PRAG1: variants seen among roughly 807,000 people sequenced by gnomAD.
The protein encoded by PRAG1 is PEAK1 related, kinase-activating pseudokinase 1, also known as inactive tyrosine-protein kinase PRAG1.
Under a neutral mutation model 95.6 loss-of-function variants are expected in PRAG1, and 110 were observed. The observed-to-expected ratio is 1.15, with a 90% CI of 0.99 to 1.35. The LOEUF (loss-of-function observed/expected upper bound fraction) is 1.35, where lower values mean the gene tolerates loss of function less well. Ranked by LOEUF, PRAG1 falls within the 40% of genes most tolerant of loss-of-function variation. PRAG1 has a pLI of 0.00. For synonymous variants in PRAG1, 1,052 were observed against 819.4 expected (o/e 1.28, Z -4.85); for missense variants, 2,554 against 1,864.7 (o/e 1.37, Z -6.81).
intron 3 of PRAG1, among the ~76,000 whole-genome samples, chr8:8,360,644 G>A (rs1799815160): frequency 6.6e-6 from 1 of 152,182 alleles, no homozygotes; most frequent in Non-Finnish European, 1.5e-5. Context: ...CCAACTCTTA[G>A]TAACAAAGTG....
intron 3 of PRAG1, among the ~76,000 whole-genome samples, chr8:8,355,383 A>G (rs1799649952): frequency 6.6e-6 from 1 of 152,174 alleles, no homozygotes; most frequent in Non-Finnish European, 1.5e-5. Flanking sequence ...AAAATTCCAA[A>G]GGCATTGTTC....
chr8:8,381,765 C>G lies in PRAG1; in HGVS notation c.-18G>C. On this transcript the variant is annotated 5_prime_UTR_variant, in exon 2 of 6. Transcript: ENST00000615670. ...TGGTGCATCTTGAGCCGACAGGGTGCTGGTTCATCTTGCGCCCGGCTCTCT... is the reference window on the plus strand; with the variant it reads ...TGGTGCATCTTGAGCCGACAGGGTGGTGGTTCATCTTGCGCCCGGCTCTCT... 6.5e-7 allele frequency: 1 copy of G among 1,550,252 alleles called. No individual in the cohort carries two copies. Among genetic ancestry groups the G allele is most frequent in the Non-Finnish European group, 8.7e-7 (1 of 1,144,324 alleles).
At position 8,322,163 on chromosome 8, in the gene PRAG1, A is replaced by G. The variant is rs184926653; in HGVS notation, c.3073-2861T>C. 3.0e-4 allele frequency among the ~76,000 whole-genome samples: 46 copies of G among 152,036 alleles called. No homozygotes were observed. The East Asian group carries it at 4.8e-3, about 16-fold the overall frequency. On this transcript the variant is annotated intron_variant, in intron 5 of 5. Coordinates refer to ENST00000615670, the MANE Select transcript of PRAG1 (RefSeq NM_001080826.3). The stretch of plus-strand genomic sequence containing the variant: ...CTATGCTTCGGCCATTTTATTTTAT[A>G]TATATAGTTTTGTTTTGTTTTGTTT...
chr8:8,377,137 C>G lies in PRAG1; in HGVS notation c.1272G>C (p.Pro424=), dbSNP rs369857841. Residue 424 remains proline (P), a synonymous_variant, in exon 3 of 6, where the codon CCG becomes CCC. Coordinates refer to ENST00000615670, the MANE Select transcript of PRAG1 (RefSeq NM_001080826.3). ...TCTTGGCCTGTGACTTGGAAGGCACCGGAGCTGCCTTCTTCCTCTTGGTGC... is the reference window on the plus strand; with the variant it reads ...TCTTGGCCTGTGACTTGGAAGGCACGGGAGCTGCCTTCTTCCTCTTGGTGC... ...AESTKRKKAA[P]VPSKSQAKIE... 2 of 1,612,488 alleles carry G rather than the reference C, an allele frequency of 1.2e-6. No individual in the cohort carries two copies. The highest frequency in any genetic ancestry group is 1.7e-6 in the Non-Finnish European group (2 of 1,179,992).
intron 5 of PRAG1, among the ~76,000 whole-genome samples, chr8:8,320,611 G>T (rs904295875): frequency 2.0e-5 from 3 of 152,170 alleles, no homozygotes; most frequent in Admixed American, 6.5e-5. Context: ...TTTGTAGAAA[G>T]ACAAAGATCA....
rs1585210643 is a variant in PRAG1, at chr8:8,318,436, G to C, written c.3939C>G (p.Ile1313Met). 5 of 1,612,516 alleles carry C rather than the reference G, an allele frequency of 3.1e-6. No individual in the cohort carries two copies. The East Asian group carries it at 8.9e-5, about 29-fold the overall frequency. Residue 1313 changes from isoleucine (I) to methionine (M), a missense_variant, in exon 6 of 6, where the codon ATC (isoleucine) becomes ATG (methionine). Physicochemically the swap from Ile to Met is conservative, Grantham distance 10. Coordinates refer to ENST00000615670, the MANE Select transcript of PRAG1 (RefSeq NM_001080826.3). The surrounding 1 kb of genome is among the most constrained non-coding windows in gnomAD (Gnocchi z 4.2). ...TGGCCTCGCCGATGCGGATACGCTT[G>C]ATGGGGTCGGCCTCCAGTAGCAGAT... Reference protein sequence around the residue: ...LAHLLLEADPIKRIRIGEAKR... With the variant: ...LAHLLLEADPMKRIRIGEAKR...
At chr8:8,360,131 T>C (rs1246088724) in intron 3 of PRAG1, among the ~76,000 whole-genome samples, 1 of 152,152 alleles carries the variant, frequency 6.6e-6, no homozygotes, top group African/African-American at 2.4e-5. Context: ...TTGGTGGGAC[T>C]CGAAATAGAA....
At chr8:8,354,972 G>A (rs1214170962) in intron 3 of PRAG1, among the ~76,000 whole-genome samples, 1 of 151,970 alleles carries the variant, frequency 6.6e-6, no homozygotes, top group African/African-American at 2.4e-5. Context: ...ACAAAAAAAG[G>A]AAGAAGTAAA....
chr8:8,381,152 G>T (rs530251914), intron 2 of PRAG1, among the ~76,000 whole-genome samples: 68 of 152,150 alleles, frequency 4.5e-4, no homozygotes, highest in African/African-American at 1.5e-3. Context: ...TTTTAAAAAA[G>T]CTTCATTTTT....
intron 4 of PRAG1, among the ~76,000 whole-genome samples, chr8:8,330,433 G>C (rs957551841): frequency 3.3e-5 from 5 of 152,216 alleles, no homozygotes; most frequent in Non-Finnish European, 7.3e-5. Flanking sequence ...CCCATCTGTA[G>C]TAAGCAATCC....
intron 1 of PRAG1, among the ~76,000 whole-genome samples, chr8:8,384,325 A>C (rs1332884409): frequency 6.6e-6 from 1 of 152,098 alleles, no homozygotes; most frequent in Non-Finnish European, 1.5e-5. Context: ...GGAGTGTGGA[A>C]GGATCTGGAT....
chr8:8,372,168 A>T (rs1800229773), intron 3 of PRAG1, among the ~76,000 whole-genome samples: 1 of 152,198 alleles, frequency 6.6e-6, no homozygotes, highest in Non-Finnish European at 1.5e-5. Flanking sequence ...GGCAGAAAGC[A>T]ATTTGGTTCT....
intron 3 of PRAG1, among the ~76,000 whole-genome samples, chr8:8,368,757 A>T (rs930033054): frequency 1.3e-5 from 2 of 152,284 alleles, no homozygotes; most frequent in African/African-American, 4.8e-5. Flanking sequence ...TGTATTTTCC[A>T]ATGCACCTGA....
At chr8:8,359,730 G>A (rs1027026515) in intron 3 of PRAG1, among the ~76,000 whole-genome samples, 6 of 152,086 alleles carry the variant, frequency 3.9e-5, no homozygotes, top group Non-Finnish European at 7.4e-5. Context: ...GGAGGAATTC[G>A]TAGCTTTCCT....
rs1038067941 is a variant in PRAG1, at chr8:8,386,421, C to A, written c.-188G>T. 1 of 151,810 alleles carries A rather than the reference C, an allele frequency of 6.6e-6. No homozygotes were observed. The highest frequency in any genetic ancestry group is 1.5e-5 in the Non-Finnish European group (1 of 67,926). The allele number at this position is 151,810 out of a possible 1,614,324, so 9.4% of individuals were successfully genotyped here. ...AGGTCTGCGCGCGGTGCGTGCCCGG[C>A]CGCGGGCGGGTGGCTTCTGCCTGGG... On this transcript the variant is annotated 5_prime_UTR_variant, in exon 1 of 6. Transcript: ENST00000615670.
chr8:8,370,033 T>A lies in PRAG1; in HGVS notation c.2162+6214A>T, dbSNP rs191489302. On this transcript the variant is annotated intron_variant, in intron 3 of 5. Coordinates refer to ENST00000615670, the MANE Select transcript of PRAG1 (RefSeq NM_001080826.3). Reference sequence around the variant, plus strand: ...ACAGAGCCCACTCAAAAGTAGACAATTAATAGATATCTGATAAATTAAAGA... The same window carrying A: ...ACAGAGCCCACTCAAAAGTAGACAAATAATAGATATCTGATAAATTAAAGA... 2.0e-5 allele frequency among the ~76,000 whole-genome samples: 3 copies of A among 152,312 alleles called. No homozygotes were observed. The East Asian group carries it at 5.8e-4, about 29-fold the overall frequency.
intron 5 of PRAG1, among the ~76,000 whole-genome samples, chr8:8,322,095 C>T (rs144258292): frequency 6.6e-6 from 1 of 152,356 alleles, no homozygotes; most frequent in African/African-American, 2.4e-5. Context: ...TGAGGCACAT[C>T]CCAGCCTTGT....
At chr8:8,359,970 C>A (rs138780249) in intron 3 of PRAG1, among the ~76,000 whole-genome samples, 109 of 152,138 alleles carry the variant, frequency 7.2e-4, no homozygotes, top group Non-Finnish European at 1.4e-3. Flanking sequence ...GCCTTAAATC[C>A]TTCTCCTTTG....
chr8:8,347,812 C>T (rs944195063), intron 3 of PRAG1, among the ~76,000 whole-genome samples: 3 of 142,750 alleles, frequency 2.1e-5, no homozygotes, highest in African/African-American at 7.6e-5. Context: ...GAGATCAATT[C>T]ACATCTTTTT....
Sources: allele counts gnomAD v4.1 joint callset (sites outside exome capture counted in the v4.1 genomes callset), GRCh38; gene constraint gnomAD v4.1.1; non-coding constraint Gnocchi (gnomAD v3.1); transcripts MANE v1.5; gene names NCBI Gene and HGNC (gene_info 2026-07-23, HGNC 2026-07-21).